The following FOXP2 variants were observed in gnomAD, a reference collection of about 807,000 sequenced individuals.
The protein encoded by FOXP2 is forkhead box P2.
In FOXP2, 12 loss-of-function variants were observed where a neutral mutation model predicts 115.8. The observed-to-expected ratio is 0.10, with a 90% CI of 0.07 to 0.17. The LOEUF (loss-of-function observed/expected upper bound fraction) is 0.17, where lower values mean the gene tolerates loss of function less well. Ranked by LOEUF, FOXP2 falls within the 10% of genes least tolerant of loss-of-function variation. The probability of loss-of-function intolerance (pLI) is 1.00; values close to 1 mark genes in which losing one functional copy is unlikely to be tolerated. For missense variants in FOXP2, 629 were observed against 843.5 expected (o/e 0.75, Z 3.15); for synonymous variants, 328 against 297.7 (o/e 1.10, Z -1.05).
At chr7:114,225,315 C>T (rs1202692768) in intron 1 of FOXP2, among the ~76,000 whole-genome samples, 2 of 151,938 alleles carry the variant, frequency 1.3e-5, no homozygotes, top group Admixed American at 6.6e-5. Flanking sequence ...TTCCCCCCCT[C>T]CCCCTTTCTT....
intron 1 of FOXP2, among the ~76,000 whole-genome samples, chr7:114,132,566 TGTGTGTGTGTGTGTGTGA>T (rs1400456802): frequency 7.6e-6 from 1 of 131,870 alleles, no homozygotes; most frequent in Non-Finnish European, 1.6e-5. Context: ...TGTGTGTGTG[TGTGTGTGTGTGTGTGTGA>T]GAGAGAGAGA....
intron 1 of FOXP2, among the ~76,000 whole-genome samples, chr7:114,092,500 A>G (rs1014771212): frequency 6.6e-6 from 1 of 151,958 alleles, no homozygotes; most frequent in African/African-American, 2.4e-5. Context: ...AACGATAGCC[A>G]TCATTTTGCA....
At chr7:114,536,768 T>C (rs1265458574) in intron 3 of FOXP2, among the ~76,000 whole-genome samples, 1 of 151,560 alleles carries the variant, frequency 6.6e-6, no homozygotes, top group Admixed American at 6.6e-5. Context: ...TATTAGTTTG[T>C]AATTTTAATG....
chr7:114,141,849 A>T (rs532124585), intron 1 of FOXP2, among the ~76,000 whole-genome samples: 2 of 152,196 alleles, frequency 1.3e-5, no homozygotes, highest in African/African-American at 2.4e-5. Context: ...ACTGTGGATT[A>T]AATTACAGAA....
chr7:114,359,462 C>A (rs1188703138), intron 2 of FOXP2, among the ~76,000 whole-genome samples: 4 of 152,200 alleles, frequency 2.6e-5, no homozygotes, highest in Non-Finnish European at 5.9e-5. Flanking sequence ...GGGCCACCAT[C>A]CTCCAGAATC....
chr7:114,620,554 G>A (rs766228305), intron 3 of FOXP2, among the ~76,000 whole-genome samples: 2 of 151,972 alleles, frequency 1.3e-5, no homozygotes, highest in Non-Finnish European at 2.9e-5. Context: ...AAAAGTAATC[G>A]TAGAAGTCTT....
At chr7:114,539,810 G>T (rs181249664) in intron 3 of FOXP2, among the ~76,000 whole-genome samples, 6 of 152,092 alleles carry the variant, frequency 3.9e-5, no homozygotes, top group Admixed American at 2.6e-4. Flanking sequence ...ATGCTTGTGT[G>T]GAAAACTTAC....
At chr7:114,618,446 A>G (rs10276072) in intron 3 of FOXP2, among the ~76,000 whole-genome samples, 19,804 of 152,188 alleles carry the variant, frequency 0.13, 1,562 homozygotes, top group African/African-American at 0.21. Context: ...CCTAATAATT[A>G]GTACTAGTAG....
At chr7:114,522,652 G>A (rs1168743031) in intron 2 of FOXP2, among the ~76,000 whole-genome samples, 2 of 152,092 alleles carry the variant, frequency 1.3e-5, no homozygotes, top group Non-Finnish European at 2.9e-5. Context: ...TAAGTCCAAA[G>A]GACACCGTAA....
At chr7:114,618,058 C>T (rs28575552) in intron 3 of FOXP2, among the ~76,000 whole-genome samples, 18,287 of 152,084 alleles carry the variant, frequency 0.12, 1,262 homozygotes, top group African/African-American at 0.18. Flanking sequence ...GCATTACTTC[C>T]TCTCAAAATC....
chr7:114,674,141 A>G (rs1363613470), intron 16 of FOXP2, among the ~76,000 whole-genome samples: 2 of 152,240 alleles, frequency 1.3e-5, no homozygotes, highest in East Asian at 3.8e-4. Flanking sequence ...CAATTATCTG[A>G]AAATAATATT....
intron 1 of FOXP2, among the ~76,000 whole-genome samples, chr7:114,245,716 G>T (rs1210208153): frequency 2.0e-5 from 3 of 152,058 alleles, no homozygotes; most frequent in Admixed American, 1.3e-4. Context: ...GTAACTGAAA[G>T]ACTTTTTTTG....
rs191279259 is a variant in FOXP2, at chr7:114,363,772, G to A, written c.-10-62730G>A. Reference sequence around the variant, plus strand: ...TCCTAAGAAATCCCTGGATTCAGACGTTGCCTTCTTTCATATCCCTTCCTT... The same window carrying A: ...TCCTAAGAAATCCCTGGATTCAGACATTGCCTTCTTTCATATCCCTTCCTT... On this transcript the variant is annotated intron_variant, in intron 2 of 17. Transcript: ENST00000634411. 1.1e-3 allele frequency among the ~76,000 whole-genome samples: 166 copies of A among 151,858 alleles called. 1 individual carries two copies. Among genetic ancestry groups the A allele is most frequent in the African/African-American group, 3.8e-3 (158 of 41,428 alleles).
At position 114,629,902 on chromosome 7, in the gene FOXP2, A is replaced by G; in HGVS notation, c.494A>G (p.Gln165Arg). The change falls in exon 5 of 17, where the codon CAA becomes CGA. Residue 165 changes from glutamine to arginine, a missense_variant. Gln to Arg is a conservative substitution (Grantham distance 43, BLOSUM62 1). This residue lies in a region of FOXP2 where 138 missense variants were observed against 205.1 expected (regional missense o/e 0.67). Coordinates refer to ENST00000350908, the MANE Select transcript of FOXP2 (RefSeq NM_014491.4). ...CAGCAGCAGCAGCAACAACAGCAGC[A>G]ACAACAGCAGCAGCAACAACAACAA... ...QQQQQQQQQQ[Q>R]QQQQQQQQQQ... 1 of 1,612,794 alleles carries G rather than the reference A, an allele frequency of 6.2e-7. No individual in the cohort carries two copies. The highest frequency in any genetic ancestry group is 1.1e-5 in the South Asian group (1 of 91,010).
intron 7 of FOXP2, among the ~76,000 whole-genome samples, chr7:114,644,143 A>G (rs1805738692): frequency 6.6e-6 from 1 of 152,196 alleles, no homozygotes; most frequent in South Asian, 2.1e-4. Flanking sequence ...ACTTATCAAA[A>G]GTCTTCAATA....
At chr7:114,386,591 C>T (rs1299570540) in intron 2 of FOXP2, among the ~76,000 whole-genome samples, 1 of 152,168 alleles carries the variant, frequency 6.6e-6, no homozygotes, top group Non-Finnish European at 1.5e-5. Flanking sequence ...TCTTGTCTTT[C>T]ACTATTTTTG....
chr7:114,638,513 C>T (rs1563051559), intron 6 of FOXP2, among the ~76,000 whole-genome samples: 1 of 152,140 alleles, frequency 6.6e-6, no homozygotes, highest in Non-Finnish European at 1.5e-5. Context: ...CAAAATTGTA[C>T]AAAATCGATT....
intron 1 of FOXP2, among the ~76,000 whole-genome samples, chr7:114,423,185 C>T (rs761269453): frequency 6.6e-6 from 1 of 151,626 alleles, no homozygotes; most frequent in Non-Finnish European, 1.5e-5. Context: ...CCTGCATAGC[C>T]ACCATCCATT....
intron 6 of FOXP2, among the ~76,000 whole-genome samples, chr7:114,642,099 C>A (rs1357176459): frequency 6.6e-6 from 1 of 152,082 alleles, no homozygotes; most frequent in Non-Finnish European, 1.5e-5. Flanking sequence ...AGCCACCATG[C>A]CTGGCCCTAG....
Sources: gnomAD v4.1 joint callset for allele counts (sites outside exome capture counted in the v4.1 genomes callset) on GRCh38, gnomAD v4.1.1 for gene constraint, gnomAD v4.1.1 regional missense constraint, MANE v1.5 for transcripts, NCBI Gene and HGNC (gene_info 2026-07-23, HGNC 2026-07-21) for gene names.